Variants in DEUP1 observed in about 807,000 individuals in gnomAD.
The protein encoded by DEUP1 is deuterosome assembly protein 1.
In DEUP1, 82 loss-of-function variants were observed where a neutral mutation model predicts 87.4. That is an observed-to-expected ratio of 0.94 (90% CI 0.78 to 1.13). The LOEUF is 1.13. Ranked by LOEUF, DEUP1 falls within the 50% of genes most tolerant of loss-of-function variation. The probability of loss-of-function intolerance (pLI) is 0.00; values close to 1 mark genes in which losing one functional copy is unlikely to be tolerated. For missense variants in DEUP1, 663 were observed against 681.5 expected (o/e 0.97, Z 0.30); for synonymous variants, 214 against 222.7 (o/e 0.96, Z 0.35).
intron 10 of DEUP1, 90 bp downstream of exon 10, chr11:93,394,746 C>A: frequency 3.6e-6 from 3 of 836,188 alleles, no homozygotes; most frequent in Non-Finnish European, 3.6e-6. Flanking sequence ...GAAAACATTA[C>A]ATTTCTTGGT....
At chr11:93,408,991 G>A (rs1947358814) in intron 12 of DEUP1, among the ~76,000 whole-genome samples, 1 of 151,774 alleles carries the variant, frequency 6.6e-6, no homozygotes, top group Non-Finnish European at 1.5e-5. Context: ...CAAGTAACTG[G>A]GACTACAGGC....
chr11:93,385,861 T>C (rs1023195646), intron 8 of DEUP1, among the ~76,000 whole-genome samples: 1 of 151,950 alleles, frequency 6.6e-6, no homozygotes, highest in Non-Finnish European at 1.5e-5. Context: ...AGACAAGCCT[T>C]AGGCAACATA....
intron 9 of DEUP1, among the ~76,000 whole-genome samples, chr11:93,391,430 C>T (rs1685730919): frequency 6.6e-6 from 1 of 152,026 alleles, no homozygotes; most frequent in Non-Finnish European, 1.5e-5. Context: ...TCCATTTTGG[C>T]CAGGTGCCGT....
chr11:93,372,090 G>C (rs1945761468), intron 7 of DEUP1, among the ~76,000 whole-genome samples: 1 of 151,318 alleles, frequency 6.6e-6, no homozygotes, highest in Admixed American at 6.6e-5. Flanking sequence ...CACTACGCCC[G>C]GCTAATTTTT....
chr11:93,359,919 C>A (rs1945085487), intron 4 of DEUP1, among the ~76,000 whole-genome samples: 1 of 152,104 alleles, frequency 6.6e-6, no homozygotes, highest in Admixed American at 6.5e-5. Flanking sequence ...GGACTTTCAT[C>A]CTCACTAGAC....
At chr11:93,352,749 G>A (rs895797852) in intron 2 of DEUP1, among the ~76,000 whole-genome samples, 1 of 152,154 alleles carries the variant, frequency 6.6e-6, no homozygotes, top group African/African-American at 2.4e-5. Flanking sequence ...AGAAGCAAAA[G>A]TGGAAACCCC....
At chr11:93,331,730 G>A (rs1051061832) in intron 1 of DEUP1, among the ~76,000 whole-genome samples, 2 of 152,124 alleles carry the variant, frequency 1.3e-5, no homozygotes, top group Admixed American at 6.5e-5. Flanking sequence ...ATTTTAGTCC[G>A]TACCACATAT....
At chr11:93,431,083 G>C (rs749913423) in intron 13 of DEUP1, among the ~76,000 whole-genome samples, 14 of 106,592 alleles carry the variant, frequency 1.3e-4, no homozygotes, top group Non-Finnish European at 2.3e-4. Flanking sequence ...GCAACAGAGC[G>C]AAACACTGTC....
chr11:93,393,907 T>C (rs1177770830), intron 9 of DEUP1, among the ~76,000 whole-genome samples: 3 of 152,136 alleles, frequency 2.0e-5, no homozygotes, highest in South Asian at 2.1e-4. Context: ...TTAGCCAAGA[T>C]TCAGAAAATA....
intron 11 of DEUP1, among the ~76,000 whole-genome samples, chr11:93,405,201 C>T (rs1947233729): frequency 6.6e-6 from 1 of 151,738 alleles, no homozygotes; most frequent in African/African-American, 2.4e-5. Context: ...TATTCTCAAC[C>T]CTTTTCAACC....
chr11:93,339,090 T>C (rs112836052), intron 2 of DEUP1, among the ~76,000 whole-genome samples: 17 of 152,372 alleles, frequency 1.1e-4, no homozygotes, highest in African/African-American at 3.8e-4. Context: ...TTAGGTTGTG[T>C]CTTGAAATCA....
At chr11:93,353,172 C>G (rs1010254137) in intron 2 of DEUP1, among the ~76,000 whole-genome samples, 2 of 152,182 alleles carry the variant, frequency 1.3e-5, no homozygotes, top group Non-Finnish European at 2.9e-5. Context: ...CCATTCCAAA[C>G]AGGAGAAATT....
At chr11:93,404,029 A>T (rs1262935111) in intron 11 of DEUP1, among the ~76,000 whole-genome samples, 4 of 152,036 alleles carry the variant, frequency 2.6e-5, no homozygotes, top group Non-Finnish European at 5.9e-5. Flanking sequence ...AACCAATTAT[A>T]GCTTTGAGAA....
At chr11:93,400,272 AGCAGGGCT>A (rs1451452399) in intron 11 of DEUP1, among the ~76,000 whole-genome samples, 1 of 152,202 alleles carries the variant, frequency 6.6e-6, no homozygotes, top group Non-Finnish European at 1.5e-5. Context: ...TCAAGGTGTC[AGCAGGGCT>A]ATGCTCTCTC....
intron 11 of DEUP1, among the ~76,000 whole-genome samples, chr11:93,397,103 T>A (rs1350743832): frequency 6.6e-6 from 1 of 152,212 alleles, no homozygotes; most frequent in Admixed American, 6.5e-5. Flanking sequence ...ATGGAAATGA[T>A]AAGAGATGAA....
At chr11:93,342,227 G>A (rs568741073) in intron 2 of DEUP1, among the ~76,000 whole-genome samples, 1 of 152,232 alleles carries the variant, frequency 6.6e-6, no homozygotes, top group Non-Finnish European at 1.5e-5. Context: ...GCAGGTTACC[G>A]GCTACCACTG....
At position 93,409,041 on chromosome 11, in the gene DEUP1, G is replaced by C. The variant is rs1475915363; in HGVS notation, c.1523+614G>C. ...CCGGATAATTTTTGTATTTTTAGTAGAGACAAGGTTTCACTATGTTGGCCA... is the reference window on the plus strand; with the variant it reads ...CCGGATAATTTTTGTATTTTTAGTACAGACAAGGTTTCACTATGTTGGCCA... On this transcript the variant is annotated intron_variant, in intron 12 of 13. Coordinates refer to ENST00000298050, the MANE Select transcript of DEUP1 (RefSeq NM_181645.4). Among the ~76,000 whole-genome samples, 3 of 152,188 alleles carry C rather than the reference G, an allele frequency of 2.0e-5. No individual in the cohort carries two copies. In the East Asian group the frequency reaches 5.8e-4, roughly 29 times the overall value.
At chr11:93,331,797 T>C (rs1943497344) in intron 1 of DEUP1, among the ~76,000 whole-genome samples, 2 of 152,022 alleles carry the variant, frequency 1.3e-5, no homozygotes, top group Admixed American at 1.3e-4. Context: ...AACAAAAAAC[T>C]CAAGTTTGGG....
intron 4 of DEUP1, chr11:93,357,516 A>G (rs1044110618): frequency 1.3e-5 from 2 of 154,132 alleles, no homozygotes; most frequent in African/African-American, 4.8e-5. Flanking sequence ...GTGCTTCTGC[A>G]TATGTATTGA....
Sources: allele counts gnomAD v4.1 joint callset (sites outside exome capture counted in the v4.1 genomes callset), GRCh38; gene constraint gnomAD v4.1.1; transcripts MANE v1.5; gene names NCBI Gene and HGNC (gene_info 2026-07-23, HGNC 2026-07-21).